AFAP1: variants seen among roughly 807,000 people sequenced by gnomAD.
AFAP1 encodes actin filament-associated protein 1.
A neutral mutation model predicts 93.9 loss-of-function variants in AFAP1; 75 were observed. The ratio of observed to expected loss-of-function variants is 0.80; its 90% CI spans 0.66 to 0.97. The LOEUF is 0.97. Among genes scored for constraint, AFAP1 ranks in the 50% least tolerant of loss-of-function variants. The probability of loss-of-function intolerance (pLI) is 0.00; values close to 1 mark genes in which losing one functional copy is unlikely to be tolerated. For synonymous variants in AFAP1, 517 were observed against 430.7 expected, an observed-to-expected ratio of 1.20 and a Z score of -2.48; for missense variants, 1,201 against 1,050.8, an observed-to-expected ratio of 1.14 and a Z score of -1.98.
At chr4:7,849,130 C>T (rs1481736718) in intron 4 of AFAP1, among the ~76,000 whole-genome samples, 11 of 152,194 alleles carry the variant, frequency 7.2e-5, no homozygotes, top group African/African-American at 1.2e-4. Context: ...TGGAGCGCCA[C>T]GCAGACCCTG....
chr4:7,870,991 C>T (rs954840835), intron 2 of AFAP1, among the ~76,000 whole-genome samples: 1 of 152,186 alleles, frequency 6.6e-6, no homozygotes. Context: ...GGCAGACTAT[C>T]TCCATAGAGT....
chr4:7,904,924 G>T (rs1372594764), intron 1 of AFAP1, among the ~76,000 whole-genome samples: 1 of 152,006 alleles, frequency 6.6e-6, no homozygotes, highest in East Asian at 1.9e-4. Flanking sequence ...GCCCAGACTG[G>T]TCCCGAACTC....
At chr4:7,783,971 T>C (rs928288839) in intron 12 of AFAP1, among the ~76,000 whole-genome samples, 1 of 152,108 alleles carries the variant, frequency 6.6e-6, no homozygotes, top group Non-Finnish European at 1.5e-5. Context: ...GACTGTGCTG[T>C]CAAGAGACAC....
chr4:7,773,317 T>G (rs1577185197), intron 15 of AFAP1: 1 of 316,600 alleles, frequency 3.2e-6, no homozygotes, highest in Non-Finnish European at 5.9e-6. Context: ...GACCCTAAAC[T>G]CCACAGTTCC....
chr4:7,772,916 C>G lies in AFAP1; in HGVS notation c.2157G>C (p.Glu719Asp). ...TCAGGCTCTCCTTGACCTCCGTCAG[C>G]TCCAGCTCCAGGCTGACACGCTCCG... ...KEAERVSLEL[E>D]LTEVKESLKK... The change falls in exon 16 of 18, where the codon GAG becomes GAC. Residue 719 changes from glutamate (E) to aspartate (D), a missense_variant. Transcript: ENST00000420658. 6.2e-7 allele frequency: 1 copy of G among 1,614,116 alleles called. No individual in the cohort carries two copies. The highest frequency in any genetic ancestry group is 8.5e-7 in the Non-Finnish European group (1 of 1,180,010).
At chr4:7,892,880 G>A (rs746402412) in intron 1 of AFAP1, among the ~76,000 whole-genome samples, 5 of 152,052 alleles carry the variant, frequency 3.3e-5, no homozygotes, top group African/African-American at 9.7e-5. Context: ...GGAAAAAGGC[G>A]GATGAAAATA....
chr4:7,933,101 G>C (rs888035063), intron 1 of AFAP1, among the ~76,000 whole-genome samples: 4 of 151,456 alleles, frequency 2.6e-5, no homozygotes, highest in Admixed American at 6.6e-5. Flanking sequence ...GTTAACCAGA[G>C]GCATTGAAAA....
chr4:7,768,304 G>C (rs868123744), intron 17 of AFAP1, among the ~76,000 whole-genome samples: 1 of 152,222 alleles, frequency 6.6e-6, no homozygotes, highest in Non-Finnish European at 1.5e-5. Context: ...TCAAAGGTTA[G>C]CATCAAAACT....
chr4:7,827,660 A>G (rs1365546812), intron 6 of AFAP1, among the ~76,000 whole-genome samples: 1 of 149,674 alleles, frequency 6.7e-6, no homozygotes, highest in Non-Finnish European at 1.5e-5. Flanking sequence ...TTTGAGAGAC[A>G]CCAACCCATA....
intron 1 of AFAP1, among the ~76,000 whole-genome samples, chr4:7,909,140 G>A (rs898143795): frequency 3.9e-5 from 6 of 152,140 alleles, no homozygotes; most frequent in Admixed American, 3.9e-4. Flanking sequence ...TATGATGATG[G>A]TGGTGTCATA....
chr4:7,778,617 G>A (rs2269878), intron 14 of AFAP1, 145 bp downstream of exon 14: 93,193 of 787,722 alleles, frequency 0.12, 9,006 homozygotes, highest in East Asian at 0.47. Flanking sequence ...CTTCTATGTG[G>A]CTGATGAGGA....
chr4:7,921,181 CTTTT>C, intron 1 of AFAP1, among the ~76,000 whole-genome samples: 1 of 95,110 alleles, frequency 1.1e-5, no homozygotes, highest in South Asian at 3.9e-4. Flanking sequence ...GAGAGCAAAA[CTTTT>C]TTTTTTTTTT....
At chr4:7,851,651 T>G (rs1175636070) in intron 4 of AFAP1, among the ~76,000 whole-genome samples, 1 of 152,182 alleles carries the variant, frequency 6.6e-6, no homozygotes, top group Non-Finnish European at 1.5e-5. Context: ...GTGGACATGA[T>G]GGCAGGAATA....
intron 6 of AFAP1, among the ~76,000 whole-genome samples, chr4:7,820,723 G>C (rs3934540): frequency 0.84 from 128,067 of 152,132 alleles, 54,225 homozygotes; most frequent in African/African-American, 0.92. Flanking sequence ...CTGAAGGATG[G>C]TTCCATTTTA....
At chr4:7,898,979 A>ATACCAT (rs1718958899) in intron 1 of AFAP1, among the ~76,000 whole-genome samples, 4 of 150,140 alleles carry the variant, frequency 2.7e-5, no homozygotes, top group Non-Finnish European at 5.9e-5. Flanking sequence ...TGTATATACA[A>ATACCAT]TGGTATTGTA....
At chr4:7,795,526 G>T (rs1010900418) in intron 10 of AFAP1, among the ~76,000 whole-genome samples, 1 of 134,614 alleles carries the variant, frequency 7.4e-6, no homozygotes, top group Non-Finnish European at 1.5e-5. Context: ...CCCGGATCAC[G>T]CCAGTCTCCT....
At chr4:7,900,848 G>T (rs188759255) in intron 1 of AFAP1, among the ~76,000 whole-genome samples, 2 of 152,272 alleles carry the variant, frequency 1.3e-5, no homozygotes, top group East Asian at 3.9e-4. Flanking sequence ...GAGGAAGCAC[G>T]ACTAATCATT....
At chr4:7,850,156 A>G (rs1714275029) in intron 4 of AFAP1, among the ~76,000 whole-genome samples, 1 of 152,220 alleles carries the variant, frequency 6.6e-6, no homozygotes, top group South Asian at 2.1e-4. Flanking sequence ...ATAGTAAGTC[A>G]TTGAACTTAT....
At chr4:7,851,845 C>T (rs1367848734) in intron 4 of AFAP1, among the ~76,000 whole-genome samples, 1 of 152,178 alleles carries the variant, frequency 6.6e-6, no homozygotes, top group African/African-American at 2.4e-5. Context: ...CACTGGTCCA[C>T]TTCCATCATG....
Sources: allele counts gnomAD v4.1 joint callset (sites outside exome capture counted in the v4.1 genomes callset), GRCh38; gene constraint gnomAD v4.1.1; transcripts MANE v1.5; gene names NCBI Gene and HGNC (gene_info 2026-07-23, HGNC 2026-07-21).